Variants in OMA1 observed in about 807,000 individuals in gnomAD.
OMA1 encodes OMA1 zinc metallopeptidase, also known as metalloendopeptidase OMA1, mitochondrial.
In OMA1, 38 loss-of-function variants were observed where a neutral mutation model predicts 30.9. The ratio of observed to expected loss-of-function variants is 1.23; its 90% CI spans 0.95 to 1.61. The LOEUF is 1.61. OMA1 is among the 40% of genes most tolerant of loss of function. The pLI is 0.00. For synonymous variants in OMA1, 173 were observed against 121.9 expected, an observed-to-expected ratio of 1.42 and a Z score of -2.76; for missense variants, 461 against 349.2, an observed-to-expected ratio of 1.32 and a Z score of -2.55.
chr1:58,501,507 C>G (rs148145612), intron 8 of OMA1, among the ~76,000 whole-genome samples: 1 of 152,330 alleles, frequency 6.6e-6, no homozygotes, highest in East Asian at 1.9e-4. Flanking sequence ...GGCCCACGCC[C>G]TCCCCCTTCC....
At chr1:58,506,278 A>ATT in intron 7 of OMA1, 69 bp from the exon 8 acceptor site, 1 of 713,752 alleles carries the variant, frequency 1.4e-6, no homozygotes, top group African/African-American at 1.8e-5. Context: ...CTACTACTTT[A>ATT]TTTTTTTTTA....
chr1:58,546,427 G>C (rs932965420), intron 1 of OMA1, among the ~76,000 whole-genome samples: 1 of 152,150 alleles, frequency 6.6e-6, no homozygotes, highest in Non-Finnish European at 1.5e-5. Flanking sequence ...GGGGTCACCG[G>C]CGTGCCCCGG....
intron 7 of OMA1, among the ~76,000 whole-genome samples, chr1:58,524,043 GTATTA>G (rs375696299): frequency 6.6e-6 from 1 of 152,300 alleles, no homozygotes; most frequent in East Asian, 1.9e-4. Context: ...CTGGCAGCTG[GTATTA>G]TCTTTTTCCT....
intron 8 of OMA1, among the ~76,000 whole-genome samples, chr1:58,504,664 A>C (rs985442008): frequency 1.3e-5 from 2 of 152,232 alleles, no homozygotes; most frequent in African/African-American, 4.8e-5. Flanking sequence ...TAGATTAATC[A>C]ATAAGTATCA....
At chr1:58,488,533 C>A (rs895682810) in intron 8 of OMA1, among the ~76,000 whole-genome samples, 2 of 152,158 alleles carry the variant, frequency 1.3e-5, no homozygotes, top group South Asian at 2.1e-4. Context: ...ATCACTGCAA[C>A]CTCTGCCTCC....
intron 3 of OMA1, among the ~76,000 whole-genome samples, chr1:58,535,456 C>T (rs1452155902): frequency 9.2e-5 from 14 of 151,922 alleles, no homozygotes; most frequent in African/African-American, 1.5e-4. Context: ...ATTGGCCAGG[C>T]GTGGTGGCGC....
intron 8 of OMA1, among the ~76,000 whole-genome samples, chr1:58,485,021 C>T (rs1335720306): frequency 6.6e-6 from 1 of 151,828 alleles, no homozygotes; most frequent in Non-Finnish European, 1.5e-5. Context: ...ATGTACAGCA[C>T]CAAGAGTAAA....
At chr1:58,526,068 A>C (rs1224780292) in intron 7 of OMA1, among the ~76,000 whole-genome samples, 1 of 152,132 alleles carries the variant, frequency 6.6e-6, no homozygotes, top group Admixed American at 6.5e-5. Context: ...TATTAGAAAT[A>C]AAGCAGGAAT....
In OMA1 at chr1:58,534,335, A is replaced by C. The variant is rs1280358911; in HGVS notation, c.730-4T>G. The C allele has an allele frequency of 1.2e-6, 1 of 835,022 alleles. No individual in the cohort carries two copies. The highest frequency in any genetic ancestry group is 2.1e-6 in the Non-Finnish European group (1 of 487,628). The allele number at this position is 835,022 out of a possible 1,614,324, so 51.7% of individuals were successfully genotyped here. On this transcript the variant is annotated splice_polypyrimidine_tract_variant and splice_region_variant and intron_variant, in intron 3 of 8. Coordinates refer to ENST00000371226, the MANE Select transcript of OMA1 (RefSeq NM_145243.5). ...CATTTTTAAATTCTTCCATCCACTG[A>C]AAGATTAAAAATTACTTCTTATTTT...
intron 8 of OMA1, among the ~76,000 whole-genome samples, chr1:58,490,121 G>A (rs1164607825): frequency 1.3e-5 from 2 of 152,210 alleles, no homozygotes; most frequent in Non-Finnish European, 2.9e-5. Context: ...AGAGAAGAAT[G>A]CTTCAGACGA....
chr1:58,519,966 C>CAT (rs138828781), intron 7 of OMA1, among the ~76,000 whole-genome samples: 17,728 of 152,072 alleles, frequency 0.12, 1,223 homozygotes, highest in African/African-American at 0.19. Context: ...TAGTGGAAAA[C>CAT]ACATTCTGAT....
chr1:58,490,388 G>C (rs1645660136), intron 8 of OMA1, among the ~76,000 whole-genome samples: 1 of 152,118 alleles, frequency 6.6e-6, no homozygotes, highest in South Asian at 2.1e-4. Flanking sequence ...GAGAAGGTTA[G>C]AGAAAAAAGA....
intron 7 of OMA1, 44 bp downstream of exon 7, chr1:58,527,217 G>C (rs779854559): frequency 3.5e-6 from 3 of 854,592 alleles, no homozygotes; most frequent in Non-Finnish European, 6.2e-6. Context: ...TTATCTTTCA[G>C]CCTGGGAAGG....
At position 58,518,280 on chromosome 1, in the gene OMA1, GAA is replaced by G. The variant is rs1646199742; in HGVS notation, c.1215+8979_1215+8980del. Among the ~76,000 whole-genome samples the G allele has an allele frequency of 1.3e-3, 15 of 11,896 alleles. 1 individual carries two copies. The highest frequency in any genetic ancestry group is 3.4e-3 in the African/African-American group (7 of 2,038). 7.8% of individuals were successfully genotyped at this position (11,896 alleles called of 152,430 possible). On this transcript the variant is annotated intron_variant, in intron 7 of 8. Coordinates refer to ENST00000371226, the MANE Select transcript of OMA1 (RefSeq NM_145243.5). The stretch of plus-strand genomic sequence containing the variant: ...AGAGGGGAGAGGAGAGAGGAGAGGA[GAA>G]GAGAAGAGAAGAGAAGAGAAGAGAA...
At chr1:58,491,844 T>C (rs138524913) in intron 8 of OMA1, among the ~76,000 whole-genome samples, 48 of 152,256 alleles carry the variant, frequency 3.2e-4, no homozygotes, top group African/African-American at 9.4e-4. Context: ...CTGTTAACAT[T>C]AGACAGATCA....
rs775204764 is a variant in OMA1 at position 58,530,581 on chromosome 1, AG to A, written c.1140+19del. 9.2e-6 allele frequency: 8 copies of A among 866,764 alleles called. No homozygotes were observed. The highest frequency in any genetic ancestry group is 1.6e-5 in the Non-Finnish European group (8 of 498,468). The allele number at this position is 866,764 out of a possible 1,614,324, so 53.7% of individuals were successfully genotyped here. A position where few individuals can be genotyped will look rare whatever the true frequency, so the allele number is the denominator to read the frequency against. ...TTCACCAGAGGCTATGATCAATTCAAGTTATTGTCTCAGACTTACCTCCTGC... is the reference window on the plus strand; with the variant it reads ...TTCACCAGAGGCTATGATCAATTCAATTATTGTCTCAGACTTACCTCCTGC... On this transcript the variant is annotated intron_variant, in intron 6 of 8. Coordinates refer to ENST00000371226, the MANE Select transcript of OMA1 (RefSeq NM_145243.5).
intron 2 of OMA1, among the ~76,000 whole-genome samples, chr1:58,538,155 T>C (rs1646547047): frequency 1.3e-5 from 2 of 152,182 alleles, no homozygotes; most frequent in Admixed American, 6.5e-5. Context: ...AAGAAAGCTT[T>C]ATGAAGAAAC....
intron 3 of OMA1, among the ~76,000 whole-genome samples, chr1:58,535,306 TAAG>T (rs1393206162): frequency 6.6e-6 from 1 of 152,082 alleles, no homozygotes; most frequent in African/African-American, 2.4e-5. Context: ...TTTTTTCACT[TAAG>T]AATCAACAAG....
At chr1:58,501,512 C>T (rs981579672) in intron 8 of OMA1, among the ~76,000 whole-genome samples, 1 of 152,186 alleles carries the variant, frequency 6.6e-6, no homozygotes, top group East Asian at 1.9e-4. Flanking sequence ...ACGCCCTCCC[C>T]CTTCCCTTGC....
Sources: allele counts gnomAD v4.1 joint callset (sites outside exome capture counted in the v4.1 genomes callset), GRCh38; gene constraint gnomAD v4.1.1; transcripts MANE v1.5; gene names NCBI Gene and HGNC (gene_info 2026-07-23, HGNC 2026-07-21).